MAN1A1: variants seen among roughly 807,000 people sequenced by gnomAD.
MAN1A1 encodes the protein mannosyl-oligosaccharide 1,2-alpha-mannosidase IA.
In MAN1A1, 29 loss-of-function variants were observed where a neutral mutation model predicts 70.8. The ratio of observed to expected loss-of-function variants is 0.41; its 90% CI spans 0.31 to 0.56. MAN1A1 has a LOEUF of 0.56. MAN1A1 is among the 20% of genes least tolerant of loss of function. The pLI is 0.29. For synonymous variants in MAN1A1, 349 were observed against 330.1 expected (o/e 1.06, Z -0.62); for missense variants, 747 against 841.3 (o/e 0.89, Z 1.39).
At chr6:119,270,633 G>A (rs1775892884) in intron 5 of MAN1A1, among the ~76,000 whole-genome samples, 1 of 152,118 alleles carries the variant, frequency 6.6e-6, no homozygotes, top group Non-Finnish European at 1.5e-5. Context: ...TTTGTTCCCA[G>A]GTATATTCAT....
intron 8 of MAN1A1, among the ~76,000 whole-genome samples, chr6:119,195,422 C>T (rs1470759531): frequency 2.6e-5 from 4 of 152,196 alleles, no homozygotes; most frequent in Admixed American, 1.3e-4. Flanking sequence ...CTAGGACCCC[C>T]TTCCCCTTCT....
chr6:119,193,612 T>C (rs1773495651), intron 9 of MAN1A1, among the ~76,000 whole-genome samples, 165 bp downstream of exon 9: 2 of 152,200 alleles, frequency 1.3e-5, no homozygotes, highest in African/African-American at 4.8e-5. Context: ...AAACATCAAA[T>C]ATGATTACCA....
intron 2 of MAN1A1, among the ~76,000 whole-genome samples, chr6:119,342,586 C>A (rs1773625843): frequency 1.3e-5 from 2 of 152,116 alleles, no homozygotes; most frequent in South Asian, 2.1e-4. Flanking sequence ...AGATTCAGAC[C>A]CACGTTATCT....
chr6:119,319,523 T>C (rs2114474123), intron 2 of MAN1A1, among the ~76,000 whole-genome samples: 1 of 152,158 alleles, frequency 6.6e-6, no homozygotes, highest in African/African-American at 2.4e-5. Context: ...GACTTCCAAT[T>C]TTCTTCAGCT....
chr6:119,301,372 C>T (rs1445211898), intron 4 of MAN1A1, among the ~76,000 whole-genome samples: 1 of 152,172 alleles, frequency 6.6e-6, no homozygotes, highest in East Asian at 1.9e-4. Context: ...ATTCACTATC[C>T]TTAATTCTGA....
At chr6:119,241,248 T>G (rs753287637) in intron 6 of MAN1A1, among the ~76,000 whole-genome samples, 1 of 152,116 alleles carries the variant, frequency 6.6e-6, no homozygotes, top group African/African-American at 2.4e-5. Flanking sequence ...ACAAACTGCT[T>G]AGAGTTAAGT....
Position 119,205,794 on chromosome 6 carries a change from T to G in MAN1A1, c.993-912A>C, listed in dbSNP as rs562214891. Among the ~76,000 whole-genome samples the G allele has an allele frequency of 2.0e-5, 3 of 152,366 alleles. No individual in the cohort carries two copies. The South Asian group carries it at 6.2e-4, about 32-fold the overall frequency. On this transcript the variant is annotated intron_variant, in intron 6 of 12. Transcript: ENST00000368468. ...TTCTGATAGCTAAAATCCTACACTTTTAGTTTAGATGCACATTTAGTGCAT... is the reference window on the plus strand; with the variant it reads ...TTCTGATAGCTAAAATCCTACACTTGTAGTTTAGATGCACATTTAGTGCAT...
At chr6:119,226,625 A>G (rs1774521880) in intron 6 of MAN1A1, among the ~76,000 whole-genome samples, 5 of 152,206 alleles carry the variant, frequency 3.3e-5, no homozygotes, top group Admixed American at 3.3e-4. Context: ...ATAGGCATCT[A>G]CCAAGAAGAA....
At chr6:119,344,092 C>T (rs1252300337) in intron 2 of MAN1A1, among the ~76,000 whole-genome samples, 1 of 152,164 alleles carries the variant, frequency 6.6e-6, no homozygotes, top group African/African-American at 2.4e-5. Context: ...TTGTGTAATA[C>T]TAAGATAAAT....
In MAN1A1 at chr6:119,349,100, C is replaced by T. The variant is rs1401053210; in HGVS notation, c.-35G>A. On this transcript the variant is annotated 5_prime_UTR_variant, in exon 2 of 13. Coordinates refer to ENST00000368468, the MANE Select transcript of MAN1A1 (RefSeq NM_005907.4). ...TGTCCAGTGGTCCGGCGCCGCGCCG[C>T]TCAGCAGCCAAACTTCGCCGCCGCT... 4.0e-6 allele frequency: 5 copies of T among 1,264,882 alleles called. No homozygotes were observed. Among genetic ancestry groups the T allele is most frequent in the Non-Finnish European group, 5.0e-6 (5 of 1,005,750 alleles). 78.4% of individuals were successfully genotyped at this position (1,264,882 alleles called of 1,614,324 possible). A position where few individuals can be genotyped will look rare whatever the true frequency, so the allele number is the denominator to read the frequency against.
At chr6:119,216,482 CTGGGTA>C (rs1774206508) in intron 6 of MAN1A1, among the ~76,000 whole-genome samples, 1 of 152,078 alleles carries the variant, frequency 6.6e-6, no homozygotes, top group South Asian at 2.1e-4. Flanking sequence ...GCTCTAGCAG[CTGGGTA>C]AGTACTGATA....
intron 2 of MAN1A1, among the ~76,000 whole-genome samples, chr6:119,345,297 T>C (rs907877820): frequency 1.3e-5 from 2 of 152,218 alleles, no homozygotes; most frequent in African/African-American, 4.8e-5. Context: ...TTTTAACTTT[T>C]GTGCTTCATT....
intron 5 of MAN1A1, among the ~76,000 whole-genome samples, chr6:119,287,697 A>G (rs1776414865): frequency 6.6e-6 from 1 of 151,994 alleles, no homozygotes; most frequent in South Asian, 2.1e-4. Context: ...GTATGTATAC[A>G]GATACAGATT....
Position 119,290,769 on chromosome 6 carries a change from GA to G in MAN1A1, c.817-7del, listed in dbSNP as rs113131653. On this transcript the variant is annotated splice_region_variant and splice_polypyrimidine_tract_variant and intron_variant, in intron 4 of 12. Transcript: ENST00000368468. ...AAGACAGAAATTTCAGCATTCTATG[GA>G]AAAAAAAAATTCAAACATGATGATA... The G allele has an allele frequency of 4.4e-3, 6,596 of 1,501,370 alleles. 98 individuals are homozygous for G. Among genetic ancestry groups the G allele is most frequent in the African/African-American group, 0.041 (2,889 of 70,976 alleles). The allele number at this position is 1,501,370 out of a possible 1,614,324, so 93.0% of individuals were successfully genotyped here. A position where few individuals can be genotyped will look rare whatever the true frequency, so the allele number is the denominator to read the frequency against.
intron 5 of MAN1A1, among the ~76,000 whole-genome samples, chr6:119,279,810 A>T (rs1776181138): frequency 6.6e-6 from 1 of 152,174 alleles, no homozygotes; most frequent in Non-Finnish European, 1.5e-5. Context: ...AAGACCTTGA[A>T]CTAATCTTTA....
rs369353398 is a variant in MAN1A1, at chr6:119,188,489, C to T, written c.1635G>A (p.Arg545=). ...ACATGTAAGTCTCCATAACTTCTGG[C>T]CGTAAGATGTAGTATTTTTCATTTT... The part of the protein sequence containing the change: ...TRQNEKYYIL[R]PEVMETYMYM... Residue 545 remains arginine (R), a synonymous_variant, in exon 11 of 13, where the codon CGG becomes CGA. Transcript: ENST00000368468. The T allele has an allele frequency of 2.4e-4, 388 of 1,613,796 alleles. No individual in the cohort carries two copies. Among genetic ancestry groups the T allele is most frequent in the Non-Finnish European group, 3.0e-4 (359 of 1,179,892 alleles).
chr6:119,312,642 C>T (rs746974368), intron 2 of MAN1A1, among the ~76,000 whole-genome samples: 47 of 152,104 alleles, frequency 3.1e-4, no homozygotes, highest in Non-Finnish European at 5.7e-4. Flanking sequence ...ATACTAAGGC[C>T]GGTCTATCAC....
chr6:119,266,267 A>G (rs1775751254), intron 5 of MAN1A1, among the ~76,000 whole-genome samples: 1 of 152,164 alleles, frequency 6.6e-6, no homozygotes, highest in Admixed American at 6.5e-5. Context: ...TTATGTGGAG[A>G]AGCAAAAGGT....
Position 119,225,618 on chromosome 6 carries a change from T to A in MAN1A1, c.993-20736A>T, listed in dbSNP as rs1582712550. Among the ~76,000 whole-genome samples, 7 of 152,154 alleles carry A rather than the reference T, an allele frequency of 4.6e-5. 1 individual carries two copies. The South Asian group carries it at 1.5e-3, about 32-fold the overall frequency. On this transcript the variant is annotated intron_variant, in intron 6 of 12. Coordinates refer to ENST00000368468, the MANE Select transcript of MAN1A1 (RefSeq NM_005907.4). ...TCAAACTTCTGATAGCCAAAGATAA[T>A]GAGAAAATCTTGAAAGTACCCAGAA...
Sources: gnomAD v4.1 joint callset for allele counts (sites outside exome capture counted in the v4.1 genomes callset) on GRCh38, gnomAD v4.1.1 for gene constraint, MANE v1.5 for transcripts, NCBI Gene and HGNC (gene_info 2026-07-23, HGNC 2026-07-21) for gene names.